LUZP2: variants seen among roughly 807,000 people sequenced by gnomAD.
LUZP2 encodes leucine zipper protein 2.
In LUZP2, 52 loss-of-function variants were observed where a neutral mutation model predicts 51.6. The ratio of observed to expected loss-of-function variants is 1.01; its 90% CI spans 0.81 to 1.27. The LOEUF is 1.27. Ranked by LOEUF, LUZP2 falls within the 50% of genes most tolerant of loss-of-function variation. LUZP2 has a pLI of 0.00. For synonymous variants in LUZP2, 154 were observed against 137.3 expected (o/e 1.12, Z -0.85); for missense variants, 436 against 395.4 (o/e 1.10, Z -0.87).
At chr11:24,801,066 T>G (rs1849685281) in intron 5 of LUZP2, among the ~76,000 whole-genome samples, 1 of 152,114 alleles carries the variant, frequency 6.6e-6, no homozygotes, top group African/African-American at 2.4e-5. Context: ...GGCTCAAAAG[T>G]GGAAATTTGC....
intron 10 of LUZP2, among the ~76,000 whole-genome samples, chr11:25,071,753 G>T (rs1230227130): frequency 2.0e-5 from 3 of 151,432 alleles, no homozygotes; most frequent in Non-Finnish European, 4.4e-5. Context: ...CACCAACATG[G>T]CACATGTATA....
chr11:24,696,193 A>G (rs1471878565), intron 1 of LUZP2, among the ~76,000 whole-genome samples: 17 of 152,086 alleles, frequency 1.1e-4, no homozygotes, highest in Non-Finnish European at 4.4e-5. Context: ...AAAGAAAACC[A>G]GATTGACTAT....
At chr11:24,522,620 T>G (rs1564967488) in intron 1 of LUZP2, among the ~76,000 whole-genome samples, 3 of 152,178 alleles carry the variant, frequency 2.0e-5, no homozygotes, top group Non-Finnish European at 4.4e-5. Context: ...TTGTCAGGTT[T>G]TCTGCATTTG....
chr11:24,806,400 G>C (rs1849857857), intron 5 of LUZP2, among the ~76,000 whole-genome samples: 1 of 152,100 alleles, frequency 6.6e-6, no homozygotes, highest in Non-Finnish European at 1.5e-5. Flanking sequence ...GTTTATTAGT[G>C]CATCACCAAC....
intron 9 of LUZP2, among the ~76,000 whole-genome samples, chr11:25,010,801 C>T (rs763158142): frequency 2.6e-5 from 4 of 151,926 alleles, no homozygotes; most frequent in African/African-American, 7.3e-5. Flanking sequence ...GAGCCAAGAT[C>T]GCACCATTGC....
At chr11:24,989,101 TA>T (rs67413838) in intron 9 of LUZP2, among the ~76,000 whole-genome samples, 136,790 of 143,804 alleles carry the variant, frequency 0.95, 65,033 homozygotes, top group South Asian at 0.99. Flanking sequence ...CCTGTGCAGT[TA>T]AAAAAAAAAA....
chr11:24,777,371 A>T (rs1590506651), intron 5 of LUZP2, among the ~76,000 whole-genome samples: 1 of 96,666 alleles, frequency 1.0e-5, no homozygotes, highest in East Asian at 2.4e-4. Context: ...GTGTGAGAAA[A>T]GTAAATTCAT....
chr11:24,977,674 T>C (rs915462881), intron 8 of LUZP2, among the ~76,000 whole-genome samples: 9 of 151,588 alleles, frequency 5.9e-5, no homozygotes, highest in African/African-American at 1.9e-4. Flanking sequence ...CATATGTATG[T>C]ATACATACAT....
chr11:24,912,094 C>A (rs377223405), intron 6 of LUZP2, among the ~76,000 whole-genome samples: 33 of 152,054 alleles, frequency 2.2e-4, no homozygotes, highest in African/African-American at 7.2e-4. Context: ...CCCTTCCTTT[C>A]GTTTCCTTTC....
chr11:24,883,699 A>G (rs987493984), intron 5 of LUZP2, among the ~76,000 whole-genome samples: 2 of 151,996 alleles, frequency 1.3e-5, no homozygotes, highest in Non-Finnish European at 2.9e-5. Context: ...GTCATTAGGT[A>G]TGTTTTATTT....
intron 7 of LUZP2, among the ~76,000 whole-genome samples, chr11:24,964,654 G>A (rs1855529308): frequency 6.6e-6 from 1 of 151,904 alleles, no homozygotes; most frequent in Non-Finnish European, 1.5e-5. Context: ...ATTCCTCCTA[G>A]CAATTACTAC....
At chr11:24,601,223 C>A (rs950884620) in intron 1 of LUZP2, among the ~76,000 whole-genome samples, 5 of 151,982 alleles carry the variant, frequency 3.3e-5, no homozygotes. Flanking sequence ...ATTCTACCCA[C>A]AAATGGAATG....
rs1860054057 is a variant in LUZP2, at chr11:24,763,312, A to G, written c.396+4A>G. 2 of 1,331,838 alleles carry G rather than the reference A, an allele frequency of 1.5e-6. No homozygotes were observed. Among genetic ancestry groups the G allele is most frequent in the Admixed American group, 2.6e-5 (1 of 37,858 alleles). The allele number at this position is 1,331,838 out of a possible 1,614,324, so 82.5% of individuals were successfully genotyped here. A position where few individuals can be genotyped will look rare whatever the true frequency, so the allele number is the denominator to read the frequency against. ...GATCCGAGACCTCCAGAATGAGGTA[A>G]GATATATTTCATCTTAGATACATTT... On this transcript the variant is annotated splice_donor_region_variant and intron_variant, in intron 5 of 11. Coordinates refer to ENST00000336930, the MANE Select transcript of LUZP2 (RefSeq NM_001009909.4).
chr11:24,658,262 A>G (rs1278305258), intron 1 of LUZP2, among the ~76,000 whole-genome samples: 2 of 152,220 alleles, frequency 1.3e-5, no homozygotes, highest in African/African-American at 2.4e-5. Context: ...GCCCTCAGAA[A>G]TAATGCCGCC....
intron 1 of LUZP2, among the ~76,000 whole-genome samples, chr11:24,539,945 T>C (rs957958909): frequency 6.6e-6 from 1 of 151,982 alleles, no homozygotes; most frequent in African/African-American, 2.4e-5. Context: ...ACCATTATTA[T>C]GATATGTATG....
chr11:24,930,124 T>C (rs939474102), intron 7 of LUZP2, among the ~76,000 whole-genome samples: 1 of 152,170 alleles, frequency 6.6e-6, no homozygotes, highest in Admixed American at 6.5e-5. Context: ...TTGAGTCTTT[T>C]TGTGTTGGGT....
intron 5 of LUZP2, among the ~76,000 whole-genome samples, chr11:24,849,994 T>C (rs1472699862): frequency 1.3e-5 from 2 of 152,194 alleles, no homozygotes; most frequent in East Asian, 1.9e-4. Flanking sequence ...TGTAAATTTG[T>C]TTAAGTTCTT....
intron 5 of LUZP2, among the ~76,000 whole-genome samples, chr11:24,789,947 A>G (rs1411116707): frequency 1.3e-5 from 2 of 152,238 alleles, no homozygotes; most frequent in East Asian, 1.9e-4. Flanking sequence ...CATTTCAACC[A>G]TAGCACTACC....
intron 1 of LUZP2, among the ~76,000 whole-genome samples, chr11:24,620,329 A>G (rs1310808771): frequency 2.0e-5 from 3 of 152,230 alleles, no homozygotes; most frequent in African/African-American, 7.2e-5. Context: ...ATGTTCAAAT[A>G]AACTTTTTTT....
Sources: gnomAD v4.1 joint callset for allele counts (sites outside exome capture counted in the v4.1 genomes callset) on GRCh38, gnomAD v4.1.1 for gene constraint, MANE v1.5 for transcripts, NCBI Gene and HGNC (gene_info 2026-07-23, HGNC 2026-07-21) for gene names.